CTIF: variants seen among roughly 807,000 people sequenced by gnomAD.
CTIF encodes CBP80/20-dependent translation initiation factor.
A neutral mutation model predicts 66.0 loss-of-function variants in CTIF; 21 were observed. The observed-to-expected ratio is 0.32, with a 90% CI of 0.23 to 0.46. The LOEUF is 0.46. CTIF is among the 20% of genes least tolerant of loss of function. The probability of loss-of-function intolerance (pLI) is 1.00; values close to 1 mark genes in which losing one functional copy is unlikely to be tolerated. For synonymous variants in CTIF, 345 were observed against 326.4 expected (o/e 1.06, Z -0.62); for missense variants, 739 against 812.7 (o/e 0.91, Z 1.10).
At chr18:48,731,744 T>G (rs1457173087) in intron 7 of CTIF, among the ~76,000 whole-genome samples, 1 of 152,206 alleles carries the variant, frequency 6.6e-6, no homozygotes, top group Non-Finnish European at 1.5e-5. Flanking sequence ...TCATTCCCGC[T>G]TATTATAACA....
At chr18:48,550,156 T>C (rs1172036939) in intron 1 of CTIF, among the ~76,000 whole-genome samples, 1 of 152,176 alleles carries the variant, frequency 6.6e-6, no homozygotes, top group Non-Finnish European at 1.5e-5. Context: ...GGACATGGGT[T>C]CTGTGGTCTG....
rs146874736 is a variant in CTIF, at chr18:48,846,474, G to A, written c.1528-11114G>A. Among the ~76,000 whole-genome samples, 1,410 of 151,680 alleles carry A rather than the reference G, an allele frequency of 9.3e-3. 15 individuals carry two copies. Among genetic ancestry groups the A allele is most frequent in the African/African-American group, 0.03 (1,245 of 41,276 alleles). ...GGATGGATGGATAGATGAGTAGATG[G>A]GTAGATAGATGGATGAAAGGATAGA... On this transcript the variant is annotated intron_variant, in intron 10 of 11. Coordinates refer to ENST00000256413, the MANE Select transcript of CTIF (RefSeq NM_014772.3).
intron 9 of CTIF, among the ~76,000 whole-genome samples, chr18:48,768,414 CTT>C (rs1359068236): frequency 6.6e-6 from 1 of 152,112 alleles, no homozygotes; most frequent in East Asian, 1.9e-4. Context: ...GCATGAGGGG[CTT>C]TGAAACTCTT....
chr18:48,779,366 G>C (rs374035975), intron 9 of CTIF, among the ~76,000 whole-genome samples: 44 of 152,164 alleles, frequency 2.9e-4, no homozygotes, highest in African/African-American at 1.1e-3. Flanking sequence ...GGAGGTATAC[G>C]TCAAGTCACG....
intron 9 of CTIF, among the ~76,000 whole-genome samples, chr18:48,789,881 G>A (rs758582704): frequency 5.3e-5 from 8 of 152,342 alleles, no homozygotes; most frequent in Non-Finnish European, 1.0e-4. Flanking sequence ...GTAGGGTACT[G>A]GTGAAGAGTA....
intron 7 of CTIF, among the ~76,000 whole-genome samples, chr18:48,717,648 A>G (rs1294160834): frequency 6.6e-6 from 1 of 152,114 alleles, no homozygotes; most frequent in Non-Finnish European, 1.5e-5. Context: ...TACTGTGTGA[A>G]TTATATCTCA....
At chr18:48,736,804 G>A (rs929954330) in intron 7 of CTIF, among the ~76,000 whole-genome samples, 33 of 152,208 alleles carry the variant, frequency 2.2e-4, no homozygotes, top group African/African-American at 7.5e-4. Context: ...AAAACATAAG[G>A]AGCCTCCTGT....
chr18:48,759,321 A>G (rs1908729458), intron 8 of CTIF, among the ~76,000 whole-genome samples: 1 of 152,138 alleles, frequency 6.6e-6, no homozygotes, highest in African/African-American at 2.4e-5. Context: ...GCAGAGCTCC[A>G]TGTTCTGGGC....
At chr18:48,706,539 G>A (rs1460645226) in intron 6 of CTIF, among the ~76,000 whole-genome samples, 1 of 152,122 alleles carries the variant, frequency 6.6e-6, no homozygotes, top group African/African-American at 2.4e-5. Flanking sequence ...ACAGGGCAAG[G>A]CCTCGCACTC....
At chr18:48,543,265 A>T (rs1393200515) in intron 1 of CTIF, among the ~76,000 whole-genome samples, 1 of 152,164 alleles carries the variant, frequency 6.6e-6, no homozygotes, top group East Asian at 1.9e-4. Context: ...AGGTACAAAC[A>T]TGCAGGCAAA....
intron 2 of CTIF, among the ~76,000 whole-genome samples, chr18:48,630,086 G>C (rs139662390): frequency 1.6e-3 from 243 of 152,290 alleles, no homozygotes; most frequent in African/African-American, 4.7e-3. Context: ...ATTCCAAGCA[G>C]TATGATGAAA....
chr18:48,735,523 G>C (rs1465394859), intron 7 of CTIF, among the ~76,000 whole-genome samples: 1 of 152,154 alleles, frequency 6.6e-6, no homozygotes, highest in African/African-American at 2.4e-5. Context: ...TGGAGGATGT[G>C]GAGGAAGCAA....
At chr18:48,617,085 A>G (rs528909834) in intron 1 of CTIF, among the ~76,000 whole-genome samples, 13 of 152,368 alleles carry the variant, frequency 8.5e-5, no homozygotes, top group African/African-American at 2.6e-4. Context: ...CTCTGGGGGA[A>G]AAGTCTGCTT....
chr18:48,558,275 T>G lies in CTIF; in HGVS notation c.-29+18963T>G, dbSNP rs144524824. 2.6e-3 allele frequency among the ~76,000 whole-genome samples: 392 copies of G among 152,356 alleles called. 1 individual carries two copies. The highest frequency in any genetic ancestry group is 4.5e-3 in the Non-Finnish European group (306 of 68,038). On this transcript the variant is annotated intron_variant, in intron 1 of 11. Coordinates refer to ENST00000256413, the MANE Select transcript of CTIF (RefSeq NM_014772.3). ...CACAACTAGTACATAGAATTTGTGA[T>G]GTTCACAAGTGAAGGGAGTATTCAG...
At chr18:48,600,712 A>T (rs2090074623) in intron 1 of CTIF, among the ~76,000 whole-genome samples, 1 of 151,728 alleles carries the variant, frequency 6.6e-6, no homozygotes, top group Admixed American at 6.6e-5. Context: ...TATAAATCAG[A>T]CTGGAATGCT....
At chr18:48,598,684 T>C (rs779071067) in intron 1 of CTIF, among the ~76,000 whole-genome samples, 5 of 152,162 alleles carry the variant, frequency 3.3e-5, no homozygotes, top group Non-Finnish European at 7.3e-5. Flanking sequence ...GTACTTACCA[T>C]TGTGGTCAAC....
intron 1 of CTIF, among the ~76,000 whole-genome samples, chr18:48,578,973 A>G (rs1301507180): frequency 6.6e-6 from 1 of 152,208 alleles, no homozygotes; most frequent in Non-Finnish European, 1.5e-5. Context: ...ATGGTTGTAC[A>G]ACGCTCTGAC....
chr18:48,622,676 G>A (rs3786178), intron 2 of CTIF, among the ~76,000 whole-genome samples: 8,573 of 152,246 alleles, frequency 0.056, 380 homozygotes, highest in African/African-American at 0.13. Context: ...GTGGAAGGAG[G>A]AGGAGGATTA....
chr18:48,732,844 G>C (rs2092468189), intron 7 of CTIF, among the ~76,000 whole-genome samples: 1 of 152,220 alleles, frequency 6.6e-6, no homozygotes, highest in Non-Finnish European at 1.5e-5. Flanking sequence ...CAAGGCAGGA[G>C]GAGGCACATG....
Sources: gnomAD v4.1 joint callset for allele counts (sites outside exome capture counted in the v4.1 genomes callset) on GRCh38, gnomAD v4.1.1 for gene constraint, MANE v1.5 for transcripts, NCBI Gene and HGNC (gene_info 2026-07-23, HGNC 2026-07-21) for gene names.